The following WHRN variants were observed in gnomAD, a reference collection of about 807,000 sequenced individuals.
WHRN encodes the protein CASK-interacting protein CIP98.
In WHRN, 41 loss-of-function variants were observed where a neutral mutation model predicts 68.3. The ratio of observed to expected loss-of-function variants is 0.60; its 90% confidence interval spans 0.47 to 0.78. The LOEUF (loss-of-function observed/expected upper bound fraction) is 0.78. Ranked by LOEUF, WHRN falls within the 30% of genes least tolerant of loss-of-function variation. WHRN has a pLI of 0.00. For missense variants in WHRN, 1,243 were observed against 1,244.7 expected, an observed-to-expected ratio of 1.00 and a Z score of 0.02; for synonymous variants, 560 against 561.3, an observed-to-expected ratio of 1.00 and a Z score of 0.03.
chr9:114,448,008 T>C (rs1838983988), intron 3 of WHRN, among the ~76,000 whole-genome samples: 1 of 152,192 alleles, frequency 6.6e-6, no homozygotes, highest in South Asian at 2.1e-4. Context: ...TCGAGTTTCA[T>C]GTGCCCCCTA....
chr9:114,429,741 C>T (rs1254944817), intron 3 of WHRN, among the ~76,000 whole-genome samples: 2 of 152,162 alleles, frequency 1.3e-5, no homozygotes, highest in Non-Finnish European at 2.9e-5. Context: ...TTCCCTATCT[C>T]GCCTCTGCAG....
chr9:114,478,662 CTGCGGCCCT>C lies in WHRN; in HGVS notation c.719_727del (p.Gln240_Ser243delinsArg). On this transcript the variant is annotated inframe_deletion, in exon 2 of 12. Coordinates refer to ENST00000362057, the MANE Select transcript of WHRN (RefSeq NM_015404.4). ...GGGCAGGCCCGAGGGTGGGGAGATG[CTGCGGCCCT>C]GCGGGTCCACCCAGGTGTAGATGTG... 1 of 1,613,268 alleles carries C rather than the reference CTGCGGCCCT, an allele frequency of 6.2e-7. No homozygotes were observed. The highest frequency in any genetic ancestry group is 8.5e-7 in the Non-Finnish European group (1 of 1,179,920).
intron 3 of WHRN, among the ~76,000 whole-genome samples, chr9:114,429,895 C>T (rs1837257832): frequency 6.6e-6 from 1 of 152,180 alleles, no homozygotes; most frequent in Non-Finnish European, 1.5e-5. Context: ...CTTGCTAAAC[C>T]ACCTCCCCAC....
At chr9:114,493,376 G>T (rs1843164047) in intron 1 of WHRN, among the ~76,000 whole-genome samples, 1 of 142,738 alleles carries the variant, frequency 7.0e-6, no homozygotes, top group Non-Finnish European at 1.5e-5. Context: ...AAAAAAGTGG[G>T]GGTGGGGGGG....
Position 114,504,823 on chromosome 9 carries a change from G to C in WHRN, c.-22C>G, listed in dbSNP as rs755252942. On this transcript the variant is annotated 5_prime_UTR_variant, in exon 1 of 12. Transcript: ENST00000362057. ...TCATCTCCACGCCGAGGCCCGGCCG[G>C]GCTCTGAGCGCGCGGGGTGTGGGCG... 1.9e-5 allele frequency: 26 copies of C among 1,385,524 alleles called. No homozygotes were observed. The South Asian group carries it at 3.0e-4, about 16-fold the overall frequency. 85.8% of individuals were successfully genotyped at this position (1,385,524 alleles called of 1,614,324 possible).
At chr9:114,408,874 C>T (rs1308025508) in intron 7 of WHRN, among the ~76,000 whole-genome samples, 1 of 152,182 alleles carries the variant, frequency 6.6e-6, no homozygotes, top group African/African-American at 2.4e-5. Flanking sequence ...GGGCCTCATC[C>T]AATCCACTAA....
rs563913043 is a variant in WHRN, at chr9:114,484,754, A to G, written c.619-5983T>C. 6.6e-5 allele frequency among the ~76,000 whole-genome samples: 10 copies of G among 152,356 alleles called. No individual in the cohort carries two copies. The East Asian group carries it at 1.9e-3, about 29-fold the overall frequency. Reference sequence around the variant, plus strand: ...CTGGCAGCACGTTATGATTATGGAAATGTAAATTATATGTGTATGTCTTCA... The same window carrying G: ...CTGGCAGCACGTTATGATTATGGAAGTGTAAATTATATGTGTATGTCTTCA... On this transcript the variant is annotated intron_variant, in intron 1 of 11. Transcript: ENST00000362057.
At chr9:114,453,920 A>C (rs1839553259) in intron 3 of WHRN, among the ~76,000 whole-genome samples, 1 of 152,208 alleles carries the variant, frequency 6.6e-6, no homozygotes. Context: ...CCTCCACAAA[A>C]CATTGGCAAA....
chr9:114,477,315 G>A (rs1841732778), intron 2 of WHRN, among the ~76,000 whole-genome samples: 1 of 152,272 alleles, frequency 6.6e-6, no homozygotes, highest in South Asian at 2.1e-4. Flanking sequence ...GGCAGTCAGT[G>A]TCAAGGTCCT....
intron 3 of WHRN, among the ~76,000 whole-genome samples, chr9:114,453,881 C>CT (rs535383236): frequency 1.6e-4 from 24 of 152,164 alleles, no homozygotes; most frequent in Non-Finnish European, 2.2e-4. Context: ...ACCCAGACCA[C>CT]TATCCTTCAT....
chr9:114,504,551 C>G lies in WHRN; in HGVS notation c.251G>C (p.Ser84Thr). ...LVRTLRVLLD[S>T]PVKRRLLPML... is the part of the protein sequence containing the mutation. ...GGGCAGCAGGCGCCGCTTGACCGGA[C>G]TGTCCAGCAGCACGCGCAGGGTGCG... Residue 84 changes from serine to threonine, a missense_variant, in exon 1 of 12, where the codon AGT (serine) becomes ACT (threonine). Ser to Thr is a moderately conservative substitution (Grantham distance 58). Transcript: ENST00000362057. 6.2e-7 allele frequency: 1 copy of G among 1,611,198 alleles called. No homozygotes were observed.
At chr9:114,460,369 T>G (rs1018318184) in intron 3 of WHRN, among the ~76,000 whole-genome samples, 43 of 152,360 alleles carry the variant, frequency 2.8e-4, no homozygotes, top group Middle Eastern at 3.4e-3. Context: ...GGGCTACCGG[T>G]AGGATGAAAT....
At chr9:114,502,000 G>A (rs896900288) in intron 1 of WHRN, among the ~76,000 whole-genome samples, 1 of 152,172 alleles carries the variant, frequency 6.6e-6, no homozygotes, top group Non-Finnish European at 1.5e-5. Context: ...AACTACACGA[G>A]GAGTGCCATG....
intron 2 of WHRN, among the ~76,000 whole-genome samples, chr9:114,474,119 C>T (rs1428506715): frequency 2.6e-5 from 4 of 152,160 alleles, no homozygotes; most frequent in Non-Finnish European, 5.9e-5. Flanking sequence ...ATGAGTTCAC[C>T]CCACTCAACT....
chr9:114,455,565 T>A (rs1402053472), intron 3 of WHRN, among the ~76,000 whole-genome samples: 2 of 151,584 alleles, frequency 1.3e-5, no homozygotes, highest in Admixed American at 6.6e-5. Context: ...ACAAAAAAAA[T>A]TAGCCACATA....
At chr9:114,443,526 C>G (rs1298812517) in intron 3 of WHRN, among the ~76,000 whole-genome samples, 1 of 152,238 alleles carries the variant, frequency 6.6e-6, no homozygotes, top group Admixed American at 6.5e-5. Context: ...CCTTCTGATT[C>G]CCACCTCTAC....
intron 7 of WHRN, among the ~76,000 whole-genome samples, chr9:114,422,569 C>G (rs1836394470): frequency 1.3e-5 from 2 of 152,192 alleles, no homozygotes; most frequent in Non-Finnish European, 2.9e-5. Context: ...CATGGTGATT[C>G]ACACCTGTAA....
chr9:114,479,634 G>A (rs1334091757), intron 1 of WHRN, among the ~76,000 whole-genome samples: 2 of 152,182 alleles, frequency 1.3e-5, no homozygotes, highest in East Asian at 1.9e-4. Context: ...GCCACTCTGC[G>A]CTGCACCTGA....
intron 1 of WHRN, among the ~76,000 whole-genome samples, chr9:114,495,846 C>T (rs1843411503): frequency 6.6e-6 from 1 of 152,160 alleles, no homozygotes; most frequent in Admixed American, 6.5e-5. Flanking sequence ...GGTCCAAACA[C>T]TACAAAGGAT....
Sources: allele counts gnomAD v4.1 joint callset (sites outside exome capture counted in the v4.1 genomes callset), GRCh38; gene constraint gnomAD v4.1.1; transcripts MANE v1.5; gene names NCBI Gene and HGNC (gene_info 2026-07-23, HGNC 2026-07-21).